NBPF4: variants seen among roughly 807,000 people sequenced by gnomAD.
NBPF4 encodes NBPF member 4.
In NBPF4, 11 loss-of-function variants were observed where a neutral mutation model predicts 21.1. The ratio of observed to expected loss-of-function variants is 0.52; its 90% CI spans 0.33 to 0.86. The LOEUF is 0.86. Ranked by LOEUF, NBPF4 falls within the 40% of genes least tolerant of loss-of-function variation. The pLI, the probability that NBPF4 is intolerant of heterozygous loss-of-function variation, is 0.03. For synonymous variants in NBPF4, 47 were observed against 106.4 expected (o/e 0.44, Z 3.43); for missense variants, 88 against 265.3 (o/e 0.33, Z 4.64).
the NBPF4 span, among the ~76,000 whole-genome samples, chr1:108,268,338 G>A: frequency 1.3e-5 from 2 of 150,076 alleles, no homozygotes; most frequent in Non-Finnish European, 3.0e-5. Flanking sequence ...GAAAATCAAT[G>A]GGCAAAGTAA....
At chr1:108,245,404 T>C (rs1649818869), upstream of NBPF4, among the ~76,000 whole-genome samples, 1 of 112,172 alleles carries the variant, frequency 8.9e-6, no homozygotes, top group Middle Eastern at 3.8e-3. Context: ...AATTTATCTA[T>C]TCTCTGGTGT....
upstream of NBPF4, among the ~76,000 whole-genome samples, chr1:108,247,831 CTTTTT>C (rs61276485): frequency 1.2e-5 from 1 of 85,208 alleles, no homozygotes; most frequent in Admixed American, 1.5e-4. Context: ...GTGTGAGATG[CTTTTT>C]TTTTTTTTTT....
At chr1:108,245,047 T>A (rs1243686314), upstream of NBPF4, among the ~76,000 whole-genome samples, 5 of 78,964 alleles carry the variant, frequency 6.3e-5, no homozygotes, top group African/African-American at 2.3e-4. Context: ...TGGTTGGTGA[T>A]CCTCAGTGTT....
Position 108,229,149 on chromosome 1 carries a change from G to C in NBPF4, c.1431C>G (p.Thr477=). 1.3e-6 allele frequency: 2 copies of C among 1,549,806 alleles called. No homozygotes were observed. Among genetic ancestry groups the C allele is most frequent in the South Asian group, 1.2e-5 (1 of 83,978 alleles). ...AAGTCCCTTGGGGACAGGCCGCCTC[G>C]GTGGGGGCTGAAAGGAGAAGGGGCT... ...ACSALDVASP[T]EAACPQGTWS... is the part of the protein sequence containing the mutation. The change falls in exon 13 of 15, where the codon ACC becomes ACG. Residue 477 remains threonine (T), a synonymous_variant. Coordinates refer to ENST00000415641, the MANE Select transcript of NBPF4 (RefSeq NM_001143989.3).
intron 3 of NBPF4, among the ~76,000 whole-genome samples, 191 bp from the exon 4 acceptor site, chr1:108,241,355 CACACACAT>C (rs1479569947): frequency 9.9e-5 from 14 of 142,100 alleles, no homozygotes; most frequent in African/African-American, 3.5e-4. Flanking sequence ...CACACACACA[CACACACAT>C]ACATATATAC....
chr1:108,268,350 T>C, the NBPF4 span, among the ~76,000 whole-genome samples: 1 of 151,296 alleles, frequency 6.6e-6, no homozygotes, highest in African/African-American at 2.4e-5. Context: ...GCAAAGTAAG[T>C]TCAACATTAG....
chr1:108,224,641 C>G (rs1355472018), intron 14 of NBPF4, among the ~76,000 whole-genome samples: 1 of 131,536 alleles, frequency 7.6e-6, no homozygotes, highest in East Asian at 2.4e-4. Flanking sequence ...CTTATTTTCC[C>G]TAATGCCCTG....
chr1:108,225,089 C>G lies in NBPF4; in HGVS notation c.1876-1343G>C, dbSNP rs1187749108. On this transcript the variant is annotated intron_variant, in intron 14 of 14. Coordinates refer to ENST00000415641, the MANE Select transcript of NBPF4 (RefSeq NM_001143989.3). Reference sequence around the variant, plus strand: ...ATGCAAAAGAAAATACTGAATTCCACTATATGTAATATGGCAGGTATTATT... The same window carrying G: ...ATGCAAAAGAAAATACTGAATTCCAGTATATGTAATATGGCAGGTATTATT... Among the ~76,000 whole-genome samples, 4 of 124,104 alleles carry G rather than the reference C, an allele frequency of 3.2e-5. 1 individual carries two copies. Among genetic ancestry groups the G allele is most frequent in the African/African-American group, 1.1e-4 (4 of 35,420 alleles). 81.4% of individuals were successfully genotyped at this position (124,104 alleles called of 152,430 possible). A position where few individuals can be genotyped will look rare whatever the true frequency, so the allele number is the denominator to read the frequency against.
intron 14 of NBPF4, among the ~76,000 whole-genome samples, chr1:108,225,117 C>T (rs1014638759): frequency 9.4e-5 from 12 of 127,032 alleles, no homozygotes; most frequent in East Asian, 5.5e-4. Context: ...GTATTATTTC[C>T]GTACATTAGG....
chr1:108,247,960 C>T (rs1649889862), upstream of NBPF4, among the ~76,000 whole-genome samples: 2 of 151,248 alleles, frequency 1.3e-5, no homozygotes, highest in South Asian at 4.2e-4. Flanking sequence ...ACTCTAGGCA[C>T]ACATCACCAT....
intron 14 of NBPF4, among the ~76,000 whole-genome samples, chr1:108,224,233 C>T (rs1469963726): frequency 2.4e-5 from 2 of 84,438 alleles, no homozygotes; most frequent in Non-Finnish European, 4.8e-5. Flanking sequence ...AAACCTCAGA[C>T]AACATCCACG....
chr1:108,223,566 T>C lies in NBPF4; in HGVS notation c.*139A>G. 1 of 756,694 alleles carries C rather than the reference T, an allele frequency of 1.3e-6. No individual in the cohort carries two copies. The allele number at this position is 756,694 out of a possible 1,614,324, so 46.9% of individuals were successfully genotyped here. Reference sequence around the variant, plus strand: ...TCTCAAATCAAAGGAGCATAGTGGCTTGAAGTCATCAAGAGTATTCTGTGT... The same window carrying C: ...TCTCAAATCAAAGGAGCATAGTGGCCTGAAGTCATCAAGAGTATTCTGTGT... On this transcript the variant is annotated 3_prime_UTR_variant, in exon 15 of 15. Coordinates refer to ENST00000415641, the MANE Select transcript of NBPF4 (RefSeq NM_001143989.3).
At chr1:108,244,947 T>TATATATATAC (rs754071410), upstream of NBPF4, among the ~76,000 whole-genome samples, 18 of 34,924 alleles carry the variant, frequency 5.2e-4, no homozygotes, top group African/African-American at 7.8e-4. Context: ...TATATATATA[T>TATATATATAC]ACACACACAT....
At chr1:108,229,187 A>C in intron 12 of NBPF4, 31 bp from the exon 13 acceptor site, 4 of 1,481,714 alleles carry the variant, frequency 2.7e-6, no homozygotes, top group Non-Finnish European at 3.7e-6. Context: ...AGTAGGAACA[A>C]TCTCAGTTTT....
chr1:108,256,577 CCTCCCTCCCTCT>C, the NBPF4 span, among the ~76,000 whole-genome samples: 1 of 94,454 alleles, frequency 1.1e-5, no homozygotes, highest in Non-Finnish European at 2.0e-5. Flanking sequence ...CCTCCCCTCC[CCTCCCTCCCTCT>C]CTCCCTCCCT....
upstream of NBPF4, among the ~76,000 whole-genome samples, chr1:108,244,943 TATATACACAC>T (rs1282986602): frequency 9.6e-4 from 36 of 37,436 alleles, no homozygotes; most frequent in African/African-American, 3.2e-3. Flanking sequence ...TATATATATA[TATATACACAC>T]ACATATAGAG....
At chr1:108,250,564 C>A in the NBPF4 span, among the ~76,000 whole-genome samples, 2 of 152,136 alleles carry the variant, frequency 1.3e-5, no homozygotes, top group Non-Finnish European at 2.9e-5. Flanking sequence ...TTTCAATTTG[C>A]CAAACGCTTT....
the NBPF4 span, among the ~76,000 whole-genome samples, chr1:108,256,539 C>A: frequency 1.1e-5 from 1 of 91,542 alleles, no homozygotes; most frequent in Non-Finnish European, 2.1e-5. Flanking sequence ...CTCCCCTCCC[C>A]TCCCCTCCCC....
chr1:108,254,022 G>T, the NBPF4 span, among the ~76,000 whole-genome samples: 1 of 82,272 alleles, frequency 1.2e-5, no homozygotes, highest in Non-Finnish European at 2.4e-5. Flanking sequence ...GCCTTTTCAT[G>T]TTGTTGATTG....
Sources: allele counts gnomAD v4.1 joint callset (sites outside exome capture counted in the v4.1 genomes callset), GRCh38; gene constraint gnomAD v4.1.1; transcripts MANE v1.5; gene names NCBI Gene and HGNC (gene_info 2026-07-23, HGNC 2026-07-21).